The following INPP4B variants were observed in gnomAD, a reference collection of about 807,000 sequenced individuals.
INPP4B encodes the protein inositol polyphosphate-4-phosphatase type II B.
A neutral mutation model predicts 122.5 loss-of-function variants in INPP4B; 55 were observed. The observed-to-expected ratio is 0.45, with a 90% CI of 0.36 to 0.56. The LOEUF is 0.56. Ranked by LOEUF, INPP4B falls within the 20% of genes least tolerant of loss-of-function variation. The pLI, the probability that INPP4B is intolerant of heterozygous loss-of-function variation, is 0.00. For missense variants in INPP4B, 1,000 were observed against 1,097.7 expected (o/e 0.91, Z 1.26); for synonymous variants, 403 against 388.7 (o/e 1.04, Z -0.43).
chr4:142,214,069 A>G (rs1390309360), intron 12 of INPP4B, among the ~76,000 whole-genome samples: 1 of 152,180 alleles, frequency 6.6e-6, no homozygotes, highest in Non-Finnish European at 1.5e-5. Context: ...ATGTAACAAT[A>G]CATTATTTCT....
chr4:142,393,456 C>G (rs1220702634), intron 7 of INPP4B, among the ~76,000 whole-genome samples: 1 of 152,176 alleles, frequency 6.6e-6, no homozygotes, highest in African/African-American at 2.4e-5. Flanking sequence ...TATTCAAGTC[C>G]TTGCTCCCAC....
chr4:142,088,767 T>G (rs1006781773), intron 23 of INPP4B, among the ~76,000 whole-genome samples: 2 of 152,226 alleles, frequency 1.3e-5, no homozygotes, highest in Non-Finnish European at 2.9e-5. Context: ...TTTTCTTGGC[T>G]TCATGGTAGA....
chr4:142,821,186 T>A (rs1320857810), intron 1 of INPP4B, among the ~76,000 whole-genome samples: 3 of 152,154 alleles, frequency 2.0e-5, no homozygotes, highest in Admixed American at 1.3e-4. Flanking sequence ...TTCACATTTT[T>A]AGTAATAACA....
At chr4:142,370,560 C>T (rs1408905508) in intron 7 of INPP4B, among the ~76,000 whole-genome samples, 3 of 151,552 alleles carry the variant, frequency 2.0e-5, no homozygotes, top group Non-Finnish European at 4.4e-5. Context: ...AAAGACTCTA[C>T]CAAAAAAAAT....
chr4:142,653,388 T>C (rs530309121), intron 2 of INPP4B, among the ~76,000 whole-genome samples: 3 of 152,122 alleles, frequency 2.0e-5, no homozygotes, highest in Non-Finnish European at 4.4e-5. Context: ...CTAATTAAAC[T>C]AAAGAGCTTC....
At chr4:142,174,751 A>G (rs1561378102) in intron 15 of INPP4B, among the ~76,000 whole-genome samples, 2 of 151,956 alleles carry the variant, frequency 1.3e-5, no homozygotes, top group South Asian at 4.1e-4. Flanking sequence ...CAGCCTCTTG[A>G]GTAGCTGGGA....
intron 1 of INPP4B, among the ~76,000 whole-genome samples, chr4:142,827,095 C>G (rs533023543): frequency 6.6e-6 from 1 of 152,142 alleles, no homozygotes; most frequent in African/African-American, 2.4e-5. Flanking sequence ...TTTGGAAAGC[C>G]GCAAGTGCTT....
chr4:142,842,343 A>G (rs983794067), intron 1 of INPP4B, among the ~76,000 whole-genome samples: 1 of 151,246 alleles, frequency 6.6e-6, no homozygotes, highest in Admixed American at 6.6e-5. Context: ...TGCTGGAATG[A>G]CATCTATTAT....
intron 7 of INPP4B, among the ~76,000 whole-genome samples, chr4:142,329,569 G>A (rs976091780): frequency 1.3e-5 from 2 of 152,290 alleles, no homozygotes; most frequent in South Asian, 2.1e-4. Flanking sequence ...GGAAGGATAA[G>A]AAATTAGGAG....
intron 3 of INPP4B, among the ~76,000 whole-genome samples, chr4:142,444,657 G>T (rs1277183740): frequency 1.3e-5 from 2 of 151,672 alleles, no homozygotes; most frequent in Non-Finnish European, 2.9e-5. Flanking sequence ...TCCATTACTG[G>T]GTATATACCC....
At chr4:142,621,533 A>C (rs538870410) in intron 2 of INPP4B, among the ~76,000 whole-genome samples, 4 of 151,960 alleles carry the variant, frequency 2.6e-5, no homozygotes, top group Non-Finnish European at 5.9e-5. Context: ...AGATAAATTC[A>C]GACCATAGCA....
intron 17 of INPP4B, among the ~76,000 whole-genome samples, chr4:142,147,294 C>T (rs1218485376): frequency 6.6e-6 from 1 of 152,076 alleles, no homozygotes; most frequent in African/African-American, 2.4e-5. Flanking sequence ...ACTTCATAAA[C>T]ATATAAATTA....
At chr4:142,488,165 A>C (rs1821424498) in intron 2 of INPP4B, among the ~76,000 whole-genome samples, 1 of 152,104 alleles carries the variant, frequency 6.6e-6, no homozygotes, top group Admixed American at 6.6e-5. Flanking sequence ...TGATCATAGA[A>C]CTTCCTCCTT....
At chr4:142,620,565 A>G (rs1744686442) in intron 2 of INPP4B, among the ~76,000 whole-genome samples, 1 of 151,974 alleles carries the variant, frequency 6.6e-6, no homozygotes, top group African/African-American at 2.4e-5. Context: ...TATGCTTATT[A>G]ACTGGATGAT....
intron 2 of INPP4B, among the ~76,000 whole-genome samples, chr4:142,655,785 C>A (rs1387882152): frequency 6.6e-6 from 1 of 151,996 alleles, no homozygotes; most frequent in African/African-American, 2.4e-5. Flanking sequence ...TACATTATTC[C>A]TTTTAAAGTC....
chr4:142,621,034 C>G (rs1328601359), intron 2 of INPP4B, among the ~76,000 whole-genome samples: 1 of 151,430 alleles, frequency 6.6e-6, no homozygotes, highest in Non-Finnish European at 1.5e-5. Context: ...TTTTTTAAAT[C>G]TAGTGTATCT....
At position 142,605,838 on chromosome 4, in the gene INPP4B, T is replaced by G. The variant is rs189565658; in HGVS notation, c.-191+120001A>C. 8.6e-5 allele frequency among the ~76,000 whole-genome samples: 13 copies of G among 152,020 alleles called. No homozygotes were observed. The East Asian group carries it at 1.9e-3, about 23-fold the overall frequency. On this transcript the variant is annotated intron_variant, in intron 2 of 25. Coordinates refer to ENST00000262992, the MANE Select transcript of INPP4B (RefSeq NM_001101669.3). ...AGTACAACCACTATGGAAAACAGTA[T>G]GCAGATTTCTCAAAAAAACAAAAAA... is the stretch of plus-strand genomic sequence containing the variant.
intron 7 of INPP4B, among the ~76,000 whole-genome samples, chr4:142,351,471 T>G (rs189904568): frequency 8.5e-5 from 13 of 152,140 alleles, no homozygotes. Context: ...CCCTGATTGA[T>G]TCAATCACCC....
chr4:142,243,184 A>G (rs1362593744), intron 11 of INPP4B, among the ~76,000 whole-genome samples: 1 of 152,204 alleles, frequency 6.6e-6, no homozygotes, highest in Non-Finnish European at 1.5e-5. Context: ...GTTCTTCCAC[A>G]AAATGTAAAC....
Sources: gnomAD v4.1 joint callset for allele counts (sites outside exome capture counted in the v4.1 genomes callset) on GRCh38, gnomAD v4.1.1 for gene constraint, MANE v1.5 for transcripts, NCBI Gene and HGNC (gene_info 2026-07-23, HGNC 2026-07-21) for gene names.